DIDO1: variants seen among roughly 807,000 people sequenced by gnomAD.
DIDO1 encodes the protein death-inducer obliterator 1.
In DIDO1, 16 loss-of-function variants were observed where a neutral mutation model predicts 99.4. That is an observed-to-expected ratio of 0.16 (90% CI 0.11 to 0.24). DIDO1 has a LOEUF of 0.24. DIDO1 is among the 10% of genes least tolerant of loss of function. The pLI, the probability that DIDO1 is intolerant of heterozygous loss-of-function variation, is 1.00. For synonymous variants in DIDO1, 1,366 were observed against 1,239.1 expected (o/e 1.10, Z -2.15); for missense variants, 2,996 against 3,014.0 (o/e 0.99, Z 0.14).
At position 62,882,173 on chromosome 20, in the gene DIDO1, C is replaced by T. The variant is rs2064220126; in HGVS notation, c.3783G>A (p.Pro1261=). ...GTTCTGGAAGAGGGGGCGGAGGCGGCGGCGACCCAGGAGGTGTGGTGCTGA... is the reference window on the plus strand; with the variant it reads ...GTTCTGGAAGAGGGGGCGGAGGCGGTGGCGACCCAGGAGGTGTGGTGCTGA... ...AAVSTTPPGS[P]PPPPPLPEPP... is the part of the protein sequence containing the mutation. Residue 1261 remains proline (P), a synonymous_variant, in exon 16 of 16, where the codon CCG becomes CCA. Transcript: ENST00000395343. The T allele has an allele frequency of 4.3e-6, 7 of 1,613,050 alleles. No homozygotes were observed. Among genetic ancestry groups the T allele is most frequent in the South Asian group, 3.3e-5 (3 of 91,080 alleles).
chr20:62,895,485 C>G (rs965958115), intron 8 of DIDO1, among the ~76,000 whole-genome samples: 1 of 152,136 alleles, frequency 6.6e-6, no homozygotes, highest in Admixed American at 6.5e-5. Context: ...CACAACACCT[C>G]AGGAAAAACA....
Position 62,906,098 on chromosome 20 carries a change from T to C in DIDO1, c.1377A>G (p.Ala459=). ...KPSLPKCGAQ[A]GIKISSVHKR... ...TGTGCACAGAAGAGATTTTAATACC[T>C]GCCTGGATAATCAGTAAAACCCCAA... The change falls in exon 6 of 16, where the codon GCA becomes GCG. Residue 459 remains alanine (A), a splice_region_variant and synonymous_variant. Coordinates refer to ENST00000395343, the MANE Select transcript of DIDO1 (RefSeq NM_001193369.2). 3 of 1,605,494 alleles carry C rather than the reference T, an allele frequency of 1.9e-6. No individual in the cohort carries two copies. The highest frequency in any genetic ancestry group is 2.6e-6 in the Non-Finnish European group (3 of 1,175,480).
chr20:62,890,768 G>C, intron 15 of DIDO1, 192 bp downstream of exon 15: 8 of 1,437,202 alleles, frequency 5.6e-6, no homozygotes, highest in East Asian at 2.5e-5. Context: ...TTTATGCTGT[G>C]AATCAGGGGT....
At chr20:62,890,650 T>C in intron 15 of DIDO1, 2 of 1,232,190 alleles carry the variant, frequency 1.6e-6, no homozygotes, top group African/African-American at 3.1e-5. Context: ...CCTCCCTTTC[T>C]GGCTGAGCCT....
At chr20:62,931,454 A>G (rs1210179901), upstream of DIDO1, among the ~76,000 whole-genome samples, 1 of 152,236 alleles carries the variant, frequency 6.6e-6, no homozygotes, top group African/African-American at 2.4e-5. Context: ...GTTTTATCTC[A>G]ACCATCTTTA....
At position 62,880,226 on chromosome 20, in the gene DIDO1, A is replaced by C; in HGVS notation, c.5730T>G (p.Ser1910=). The change falls in exon 16 of 16, where the codon TCT becomes TCG. Residue 1910 remains serine, a synonymous_variant. Transcript: ENST00000395343. ...GTGGTCCTCTCTGACCTCCAAACTG[A>C]GAGGGAGGGGGGCCGCCTCGGGGGC... ...LKGPRGGPPP[S]QFGGQRGPPP... 1 of 1,611,990 alleles carries C rather than the reference A, an allele frequency of 6.2e-7. No individual in the cohort carries two copies. Among genetic ancestry groups the C allele is most frequent in the Non-Finnish European group, 8.5e-7 (1 of 1,179,806 alleles).
intron 1 of DIDO1, among the ~76,000 whole-genome samples, chr20:62,937,263 A>G (rs1189304622): frequency 1.3e-5 from 2 of 152,258 alleles, no homozygotes; most frequent in Non-Finnish European, 2.9e-5. Flanking sequence ...AGCAACGGAA[A>G]CATGGGACCC....
At chr20:62,888,655 C>A (rs1362697643) in intron 15 of DIDO1, 1 of 884,258 alleles carries the variant, frequency 1.1e-6, no homozygotes, top group Non-Finnish European at 1.4e-6. Flanking sequence ...CCTAGCCTTA[C>A]ACACACACAC....
At chr20:62,929,694 T>TATATATATATATATATATATA (rs1568894301), upstream of DIDO1, among the ~76,000 whole-genome samples, 2 of 81,734 alleles carry the variant, frequency 2.4e-5, 1 homozygote, top group East Asian at 6.5e-4. Context: ...AAAGAAAAAG[T>TATATATATATATATATATATA]GTATATATAT....
chr20:62,915,835 G>C (rs998206780), intron 1 of DIDO1, among the ~76,000 whole-genome samples: 3 of 152,000 alleles, frequency 2.0e-5, no homozygotes, highest in African/African-American at 7.3e-5. Context: ...AGAAGTTCTC[G>C]GGAACGAAAA....
intron 1 of DIDO1, among the ~76,000 whole-genome samples, chr20:62,923,428 C>T (rs1201587153): frequency 2.0e-5 from 3 of 152,188 alleles, no homozygotes; most frequent in Non-Finnish European, 4.4e-5. Flanking sequence ...CCCATCTTGG[C>T]CTCCCAAAGT....
In DIDO1 at chr20:62,901,028, C is replaced by G. The variant is rs532182001; in HGVS notation, c.1589-4032G>C. ...CTAGTGGGAACAATCAAGGTGGCAG[C>G]GGCAAGAGAAAATGTTCTGCTTTTG... On this transcript the variant is annotated intron_variant, in intron 6 of 15. Coordinates refer to ENST00000395343, the MANE Select transcript of DIDO1 (RefSeq NM_001193369.2). Among the ~76,000 whole-genome samples the G allele has an allele frequency of 2.5e-3, 378 of 152,342 alleles. 3 individuals carry two copies. Among genetic ancestry groups the G allele is most frequent in the African/African-American group, 8.8e-3 (364 of 41,572 alleles).
intron 3 of DIDO1, 44 bp downstream of exon 3, chr20:62,910,730 G>C (rs181194847): frequency 1.3e-6 from 2 of 1,574,712 alleles, no homozygotes. Context: ...GGAAAATTCT[G>C]TTTGCAACCC....
rs73918855 is a variant in DIDO1 at position 62,892,190 on chromosome 20, C to T, written c.3256-114G>A. On this transcript the variant is annotated intron_variant, in intron 13 of 15. Coordinates refer to ENST00000395343, the MANE Select transcript of DIDO1 (RefSeq NM_001193369.2). Reference sequence around the variant, plus strand: ...AGATTCAAGAAGACTACAGCTATTCCAAGGAAAAGAGTCACACTTGTATTA... The same window carrying T: ...AGATTCAAGAAGACTACAGCTATTCTAAGGAAAAGAGTCACACTTGTATTA... The T allele has an allele frequency of 1.3e-3, 1,098 of 862,996 alleles. 7 individuals are homozygous for T. The African/African-American group carries it at 0.016, about 13-fold the overall frequency. The allele number at this position is 862,996 out of a possible 1,614,324, so 53.5% of individuals were successfully genotyped here. A position where few individuals can be genotyped will look rare whatever the true frequency, so the allele number is the denominator to read the frequency against.
intron 15 of DIDO1, chr20:62,887,917 G>A (rs1482695223): frequency 1.0e-6 from 1 of 985,168 alleles, no homozygotes; most frequent in South Asian, 4.7e-5. Flanking sequence ...CCACTGCGGG[G>A]CAGAGGGGCA....
In DIDO1 at chr20:62,893,721, G is replaced by C. The variant is rs1004008266; in HGVS notation, c.3046C>G (p.Pro1016Ala). ...VMVPKSILAKPSSSPDPRYLS... is the reference protein window; with the variant it reads ...VMVPKSILAKASSSPDPRYLS... ...TATCTTGGGTCAGGAGATGAGGATG[G>C]CTTAGCTAGTATGGACTTGGGCACC... The change falls in exon 12 of 16, where the codon CCA becomes GCA. Residue 1016 changes from proline (P) to alanine (A), a missense_variant. Transcript: ENST00000395343. 1.2e-6 allele frequency: 2 copies of C among 1,613,862 alleles called. No individual in the cohort carries two copies. Among genetic ancestry groups the C allele is most frequent in the East Asian group, 4.5e-5 (2 of 44,870 alleles).
intron 12 of DIDO1, 138 bp from the exon 13 acceptor site, chr20:62,893,100 G>T: frequency 1.1e-6 from 1 of 916,378 alleles, no homozygotes; most frequent in Non-Finnish European, 1.6e-6. Flanking sequence ...AACACAGCTG[G>T]CTGCAGTCTC....
At chr20:62,937,421 G>C (rs916983927) in intron 1 of DIDO1, among the ~76,000 whole-genome samples, 1 of 152,150 alleles carries the variant, frequency 6.6e-6, no homozygotes, top group Non-Finnish European at 1.5e-5. Flanking sequence ...CCGCCGCCGG[G>C]ACTCCGCCCC....
chr20:62,925,486 A>G (rs2065234828), intron 1 of DIDO1, among the ~76,000 whole-genome samples: 1 of 152,204 alleles, frequency 6.6e-6, no homozygotes, highest in African/African-American at 2.4e-5. Context: ...TGAGTACACT[A>G]GGCTCAAATC....
Sources: allele counts gnomAD v4.1 joint callset (sites outside exome capture counted in the v4.1 genomes callset), GRCh38; gene constraint gnomAD v4.1.1; transcripts MANE v1.5; gene names NCBI Gene and HGNC (gene_info 2026-07-23, HGNC 2026-07-21).